Variants in IDO2 observed in about 807,000 individuals in gnomAD.
IDO2 encodes the protein indoleamine 2,3-dioxygenase 2, also known as indoleamine 2,3-dioxygenase-like 1 protein.
IDO2 carries 46 observed loss-of-function variants against 45.1 expected under a neutral mutation model. The ratio of observed to expected loss-of-function variants is 1.02; its 90% CI spans 0.80 to 1.30. The LOEUF (loss-of-function observed/expected upper bound fraction) is 1.30. Among genes scored for constraint, IDO2 ranks in the 50% most tolerant of loss-of-function variants. The probability of loss-of-function intolerance (pLI) is 0.00; values close to 1 mark genes in which losing one functional copy is unlikely to be tolerated. For missense variants in IDO2, 544 were observed against 491.8 expected (o/e 1.11, Z -1.00); for synonymous variants, 218 against 184.9 (o/e 1.18, Z -1.45).
chr8:39,993,092 G>C (rs935861319), intron 8 of IDO2, among the ~76,000 whole-genome samples: 2 of 152,128 alleles, frequency 1.3e-5, no homozygotes, highest in African/African-American at 4.8e-5. Context: ...CCTGCCGCCT[G>C]TCAACCGTGC....
intron 4 of IDO2, among the ~76,000 whole-genome samples, chr8:39,979,636 A>G (rs1157773731): frequency 6.6e-6 from 1 of 152,102 alleles, no homozygotes; most frequent in Non-Finnish European, 1.5e-5. Context: ...TATAGGCGTG[A>G]GCCACTGCGT....
At chr8:39,938,911 C>T (rs1387678079) in intron 1 of IDO2, among the ~76,000 whole-genome samples, 1 of 152,078 alleles carries the variant, frequency 6.6e-6, no homozygotes. Flanking sequence ...GGTGAAAATT[C>T]CAAGTACTGA....
In IDO2 at chr8:40,003,511, G is replaced by T. The variant is rs1346307373; in HGVS notation, c.668-1816G>T. ...GATATTTTTGTTTCTAATAAATATG[G>T]TGTCTGTCTATTTACCTGCCTCTTA... On this transcript the variant is annotated intron_variant, in intron 8 of 10. Coordinates refer to ENST00000502986, the Ensembl canonical transcript of IDO2. Among the ~76,000 whole-genome samples the T allele has an allele frequency of 4.6e-5, 7 of 151,632 alleles. No individual in the cohort carries two copies. The South Asian group carries it at 1.5e-3, about 32-fold the overall frequency.
At chr8:39,998,914 A>T (rs1802093355) in intron 8 of IDO2, among the ~76,000 whole-genome samples, 1 of 151,992 alleles carries the variant, frequency 6.6e-6, no homozygotes, top group East Asian at 1.9e-4. Context: ...AAGTGCTAGG[A>T]TTACAGGCGT....
At chr8:39,954,168 T>C (rs1023883833) in intron 2 of IDO2, among the ~76,000 whole-genome samples, 1 of 152,242 alleles carries the variant, frequency 6.6e-6, no homozygotes, top group African/African-American at 2.4e-5. Context: ...GTAAAAACTC[T>C]CCACTCCTAG....
At chr8:39,979,312 C>A in intron 4 of IDO2, 126 bp downstream of exon 4, 1 of 865,232 alleles carries the variant, frequency 1.2e-6, no homozygotes, top group South Asian at 2.4e-5. Context: ...CGATGGGCAT[C>A]AGTTTAAGCA....
rs184099103 is a variant in IDO2, at chr8:39,961,923, G to T, written c.100-1685G>T. Among the ~76,000 whole-genome samples the T allele has an allele frequency of 2.0e-3, 302 of 152,196 alleles. 4 individuals are homozygous for T. Among genetic ancestry groups the T allele is most frequent in the African/African-American group, 7.0e-3 (289 of 41,538 alleles). ...TGAGAAAAAGAGCCTCAGGTTAGGG[G>T]GATAAATCAGAGATTGGTGAACTTT... is the stretch of plus-strand genomic sequence containing the variant. On this transcript the variant is annotated intron_variant, in intron 2 of 10. Coordinates refer to ENST00000502986, the Ensembl canonical transcript of IDO2.
Position 39,954,610 on chromosome 8 carries a change from CT to C in IDO2, c.99+5350del, listed in dbSNP as rs549130324. ...CCTTATTATTGTGTCCTCACATGGT[CT>C]TTTCTCCACTATGCACAAATTCCCT... On this transcript the variant is annotated intron_variant, in intron 2 of 10. Coordinates refer to ENST00000502986, the Ensembl canonical transcript of IDO2. Among the ~76,000 whole-genome samples the C allele has an allele frequency of 1.4e-4, 20 of 141,796 alleles. No homozygotes were observed. The East Asian group carries it at 3.8e-3, about 27-fold the overall frequency. The allele number at this position is 141,796 out of a possible 152,430, so 93.0% of individuals were successfully genotyped here. A position where few individuals can be genotyped will look rare whatever the true frequency, so the allele number is the denominator to read the frequency against.
exon 11 of IDO2, chr8:40,015,734 A>C (rs1307055714): frequency 7.4e-6 from 5 of 677,726 alleles, no homozygotes; most frequent in Non-Finnish European, 1.3e-5. Flanking sequence ...TCTACAGAGC[A>C]CTATATTCTC....
At chr8:39,964,746 G>A (rs1362626840) in intron 3 of IDO2, among the ~76,000 whole-genome samples, 2 of 151,890 alleles carry the variant, frequency 1.3e-5, no homozygotes, top group Non-Finnish European at 1.5e-5. Flanking sequence ...CATGACCAAA[G>A]AAATCCAAAA....
chr8:39,948,661 G>T (rs929937355), intron 1 of IDO2, among the ~76,000 whole-genome samples: 1 of 152,208 alleles, frequency 6.6e-6, no homozygotes, highest in Non-Finnish European at 1.5e-5. Context: ...TGCTTTCAGG[G>T]CTGGTAGGAA....
chr8:39,938,296 A>ATATCTC (rs10666900), intron 1 of IDO2, among the ~76,000 whole-genome samples: 2 of 151,826 alleles, frequency 1.3e-5, no homozygotes, highest in Non-Finnish European at 2.9e-5. Context: ...TTCTCTATCT[A>ATATCTC]TATCTATATA....
intron 3 of IDO2, among the ~76,000 whole-genome samples, chr8:39,965,015 G>C (rs1406549928): frequency 6.6e-6 from 1 of 152,202 alleles, no homozygotes; most frequent in Non-Finnish European, 1.5e-5. Flanking sequence ...AATTCAGTTT[G>C]TGAATTATGA....
At chr8:40,000,858 G>C (rs889955696) in intron 8 of IDO2, among the ~76,000 whole-genome samples, 1 of 152,000 alleles carries the variant, frequency 6.6e-6, no homozygotes, top group Non-Finnish European at 1.5e-5. Context: ...ATTTAGTTTT[G>C]TCAACTTCAT....
At chr8:39,994,687 G>A (rs369250959) in intron 8 of IDO2, among the ~76,000 whole-genome samples, 5 of 57,386 alleles carry the variant, frequency 8.7e-5, no homozygotes, top group African/African-American at 2.5e-4. Flanking sequence ...TTGTTCCTAC[G>A]GTTCAGCCTG....
chr8:39,942,843 G>T (rs1807665228), intron 1 of IDO2, among the ~76,000 whole-genome samples: 1 of 152,052 alleles, frequency 6.6e-6, no homozygotes, highest in African/African-American at 2.4e-5. Flanking sequence ...ACAATTCTAT[G>T]GTTGTATAAT....
intron 1 of IDO2, among the ~76,000 whole-genome samples, chr8:39,945,881 C>T (rs957676602): frequency 1.3e-5 from 2 of 152,152 alleles, no homozygotes; most frequent in Non-Finnish European, 2.9e-5. Flanking sequence ...CCAAGCTGTC[C>T]TTATTCATTC....
At chr8:40,008,369 T>C (rs944092305) in intron 9 of IDO2, among the ~76,000 whole-genome samples, 10 of 152,096 alleles carry the variant, frequency 6.6e-5, no homozygotes, top group African/African-American at 2.4e-4. Context: ...CTAATCCTTC[T>C]AGCACTTTGA....
intron 2 of IDO2, among the ~76,000 whole-genome samples, chr8:39,954,940 A>G (rs1807868442): frequency 6.6e-6 from 1 of 151,550 alleles, no homozygotes; most frequent in Non-Finnish European, 1.5e-5. Context: ...TACAGGCATA[A>G]GCTACTGTGC....
Sources: allele counts gnomAD v4.1 joint callset (sites outside exome capture counted in the v4.1 genomes callset), GRCh38; gene constraint gnomAD v4.1.1; transcripts MANE v1.5; gene names NCBI Gene and HGNC (gene_info 2026-07-23, HGNC 2026-07-21).